KCNH1: variants seen among roughly 807,000 people sequenced by gnomAD.
The protein encoded by KCNH1 is potassium voltage-gated channel subfamily H member 1, also known as voltage-gated delayed rectifier potassium channel KCNH1.
In KCNH1, 27 loss-of-function variants were observed where a neutral mutation model predicts 69.2. The observed-to-expected ratio is 0.39, with a 90% CI of 0.29 to 0.54. The LOEUF (loss-of-function observed/expected upper bound fraction) is 0.54, where lower values mean the gene tolerates loss of function less well. Among genes scored for constraint, KCNH1 ranks in the 20% least tolerant of loss-of-function variants. The pLI, the probability that KCNH1 is intolerant of heterozygous loss-of-function variation, is 0.68. For synonymous variants in KCNH1, 456 were observed against 487.7 expected, an observed-to-expected ratio of 0.93 and a Z score of 0.86; for missense variants, 798 against 1,261.6, an observed-to-expected ratio of 0.63 and a Z score of 5.57.
intron 7 of KCNH1, among the ~76,000 whole-genome samples, chr1:210,874,288 C>T (rs557637860): frequency 1.3e-5 from 2 of 152,164 alleles, no homozygotes; most frequent in Non-Finnish European, 2.9e-5. Context: ...AGAAGCTGTA[C>T]ATTAAGACAT....
chr1:210,779,984 CTA>C (rs1244831073), intron 9 of KCNH1, among the ~76,000 whole-genome samples: 1 of 152,180 alleles, frequency 6.6e-6, no homozygotes, highest in Non-Finnish European at 1.5e-5. Flanking sequence ...CAGAAGAAAA[CTA>C]AGCCCCTGCA....
At chr1:211,052,206 G>A (rs970259287) in intron 5 of KCNH1, among the ~76,000 whole-genome samples, 6 of 152,234 alleles carry the variant, frequency 3.9e-5, no homozygotes, top group African/African-American at 1.4e-4. Flanking sequence ...AGAAAAGAGA[G>A]AGCTGATCAG....
chr1:210,813,458 G>C (rs777773477), intron 7 of KCNH1, among the ~76,000 whole-genome samples: 3 of 152,074 alleles, frequency 2.0e-5, no homozygotes, highest in Non-Finnish European at 4.4e-5. Flanking sequence ...GTGTAGACAA[G>C]GGGAGAGTGT....
At chr1:210,886,895 T>G (rs887372345) in intron 7 of KCNH1, among the ~76,000 whole-genome samples, 8 of 152,086 alleles carry the variant, frequency 5.3e-5, no homozygotes, top group African/African-American at 1.9e-4. Context: ...AGTGGGACTA[T>G]GTGAAAAGAC....
Position 211,018,981 on chromosome 1 carries a change from C to T in KCNH1, c.834G>A (p.Gly278=). The stretch of plus-strand genomic sequence containing the variant: ...TAAGTTTGGGGTCAGAAATCACCTC[C>T]CCTGCTGGTCCAACAAAGGTGGTAT... ...NFHTTFVGPA[G]EVISDPKLIR... is the part of the protein sequence containing the mutation. Residue 278 remains glycine (G), a synonymous_variant, in exon 6 of 11, where the codon GGG becomes GGA. Transcript: ENST00000271751. The T allele has an allele frequency of 6.2e-7, 1 of 1,614,062 alleles. No homozygotes were observed. The highest frequency in any genetic ancestry group is 8.5e-7 in the Non-Finnish European group (1 of 1,179,978).
At chr1:211,023,274 T>C (rs1462616014) in intron 5 of KCNH1, among the ~76,000 whole-genome samples, 1 of 151,768 alleles carries the variant, frequency 6.6e-6, no homozygotes, top group Non-Finnish European at 1.5e-5. Context: ...TGAATAAAAA[T>C]AGAACTACGA....
intron 6 of KCNH1, among the ~76,000 whole-genome samples, chr1:210,997,705 A>T (rs1472435455): frequency 6.6e-6 from 1 of 152,176 alleles, no homozygotes; most frequent in Non-Finnish European, 1.5e-5. Flanking sequence ...CAAGACACAT[A>T]ATTGTCAGAT....
intron 10 of KCNH1, among the ~76,000 whole-genome samples, chr1:210,721,685 G>GAGAT (rs1214250175): frequency 6.6e-6 from 1 of 152,088 alleles, no homozygotes; most frequent in Non-Finnish European, 1.5e-5. Context: ...ATAGCATTAG[G>GAGAT]AGATATACCT....
At chr1:210,688,660 C>T (rs1008607649) in intron 10 of KCNH1, among the ~76,000 whole-genome samples, 2 of 152,174 alleles carry the variant, frequency 1.3e-5, no homozygotes, top group Non-Finnish European at 2.9e-5. Flanking sequence ...ATCATCTCTT[C>T]CTGGCTGATT....
intron 6 of KCNH1, among the ~76,000 whole-genome samples, chr1:210,943,511 G>C (rs892427431): frequency 1.3e-5 from 2 of 151,956 alleles, no homozygotes; most frequent in Non-Finnish European, 2.9e-5. Context: ...GCCACGCCCG[G>C]CTAATTTTTG....
intron 7 of KCNH1, among the ~76,000 whole-genome samples, chr1:210,886,700 TA>T (rs112570477): frequency 8.6e-4 from 130 of 151,902 alleles, no homozygotes; most frequent in African/African-American, 3.1e-3. Context: ...GAGAAAAATA[TA>T]AATGACCTGA....
At chr1:211,041,679 C>G (rs1157085441) in intron 5 of KCNH1, among the ~76,000 whole-genome samples, 1 of 152,124 alleles carries the variant, frequency 6.6e-6, no homozygotes, top group Non-Finnish European at 1.5e-5. Context: ...TTGCTGTGAC[C>G]TACAATCCCC....
chr1:210,786,388 C>A (rs891379060), intron 9 of KCNH1, among the ~76,000 whole-genome samples: 1 of 152,168 alleles, frequency 6.6e-6, no homozygotes, highest in Non-Finnish European at 1.5e-5. Context: ...AACTATAGTT[C>A]TGTAACACTT....
chr1:210,783,897 A>C (rs544355874), intron 9 of KCNH1, among the ~76,000 whole-genome samples: 43 of 152,226 alleles, frequency 2.8e-4, no homozygotes, highest in Non-Finnish European at 5.1e-4. Flanking sequence ...GACCTCTGTG[A>C]TAGAGGTATA....
intron 1 of KCNH1, among the ~76,000 whole-genome samples, chr1:211,121,012 G>A (rs1181876496): frequency 6.6e-6 from 1 of 152,038 alleles, no homozygotes; most frequent in Non-Finnish European, 1.5e-5. Context: ...ACAAACTACT[G>A]CTCAGGGAAA....
chr1:211,039,385 G>A (rs959960627), intron 5 of KCNH1, among the ~76,000 whole-genome samples: 7 of 152,182 alleles, frequency 4.6e-5, no homozygotes, highest in Admixed American at 1.3e-4. Flanking sequence ...GGGAAATGTG[G>A]GGTCAGACCC....
chr1:211,095,232 G>C (rs192687059), intron 3 of KCNH1, among the ~76,000 whole-genome samples: 2 of 152,334 alleles, frequency 1.3e-5, no homozygotes, highest in Admixed American at 1.3e-4. Flanking sequence ...GAAAAACTGA[G>C]AAAAGTAAGC....
chr1:210,695,371 A>C (rs1330954995), intron 10 of KCNH1, among the ~76,000 whole-genome samples: 1 of 152,202 alleles, frequency 6.6e-6, no homozygotes, highest in Non-Finnish European at 1.5e-5. Context: ...CTGGTCATTC[A>C]CTTGAGTTCT....
chr1:210,756,776 T>C (rs1270671930), intron 10 of KCNH1, among the ~76,000 whole-genome samples: 3 of 152,174 alleles, frequency 2.0e-5, no homozygotes, highest in Non-Finnish European at 4.4e-5. Flanking sequence ...TAGACACTTC[T>C]AGAAAAGGCT....
Sources: gnomAD v4.1 joint callset for allele counts (sites outside exome capture counted in the v4.1 genomes callset) on GRCh38, gnomAD v4.1.1 for gene constraint, MANE v1.5 for transcripts, NCBI Gene and HGNC (gene_info 2026-07-23, HGNC 2026-07-21) for gene names.